CSMD2: variants seen among roughly 807,000 people sequenced by gnomAD.
CSMD2 encodes the protein CUB and sushi domain-containing protein 2.
A neutral mutation model predicts 398.5 loss-of-function variants in CSMD2; 130 were observed. The observed-to-expected ratio is 0.33, with a 90% CI of 0.28 to 0.38. The LOEUF (loss-of-function observed/expected upper bound fraction) is 0.38. CSMD2 is among the 10% of genes least tolerant of loss of function. CSMD2 has a pLI of 1.00. For missense variants in CSMD2, 3,829 were observed against 4,764.9 expected, an observed-to-expected ratio of 0.80 and a Z score of 5.78; for synonymous variants, 1,828 against 1,908.5, an observed-to-expected ratio of 0.96 and a Z score of 1.10.
intron 3 of CSMD2, among the ~76,000 whole-genome samples, chr1:33,949,256 T>C (rs1046604949): frequency 6.6e-6 from 1 of 152,188 alleles, no homozygotes; most frequent in Non-Finnish European, 1.5e-5. Flanking sequence ...TGATTACATA[T>C]AAGCCCCTGG....
chr1:33,527,161 C>T (rs754189365), intron 65 of CSMD2, 35 bp downstream of exon 65: 9 of 1,589,916 alleles, frequency 5.7e-6, no homozygotes, highest in Non-Finnish European at 7.8e-6. Context: ...AAAGTAACAC[C>T]AGTTTCTTGA....
In CSMD2 at chr1:33,549,536, T is replaced by C. The variant is rs557507323; in HGVS notation, c.8917+641A>G. Reference sequence around the variant, plus strand: ...GTTTGGATACTGTGGACATAGGACCTTTGGCAGTTCTCTACATTTGCGATT... The same window carrying C: ...GTTTGGATACTGTGGACATAGGACCCTTGGCAGTTCTCTACATTTGCGATT... On this transcript the variant is annotated intron_variant, in intron 56 of 70. Transcript: ENST00000373381. Among the ~76,000 whole-genome samples, 19 of 152,380 alleles carry C rather than the reference T, an allele frequency of 1.2e-4. No homozygotes were observed. The South Asian group carries it at 3.7e-3, about 30-fold the overall frequency.
In CSMD2 at chr1:34,107,449, A is replaced by G. The variant is rs970882710; in HGVS notation, c.188-18256T>C. Among the ~76,000 whole-genome samples the G allele has an allele frequency of 2.0e-5, 3 of 152,136 alleles. No individual in the cohort carries two copies. In the East Asian group the frequency reaches 5.8e-4, roughly 29 times the overall value. On this transcript the variant is annotated intron_variant, in intron 1 of 70. Transcript: ENST00000373381. ...AATAATTCATTCCATCCTCACAACC[A>G]TATGAGATAGGTACTATTACTCTCC...
chr1:33,723,117 C>T (rs1339052926), intron 19 of CSMD2, among the ~76,000 whole-genome samples: 1 of 152,192 alleles, frequency 6.6e-6, no homozygotes, highest in East Asian at 1.9e-4. Context: ...TTTGTATGTC[C>T]ACTCTTGTAC....
intron 2 of CSMD2, among the ~76,000 whole-genome samples, chr1:34,071,635 T>C (rs964663955): frequency 7.2e-5 from 11 of 152,172 alleles, no homozygotes; most frequent in African/African-American, 2.7e-4. Context: ...TCCATCTAGA[T>C]GCAAGGGGGC....
intron 22 of CSMD2, among the ~76,000 whole-genome samples, chr1:33,708,286 T>C (rs940000693): frequency 2.0e-5 from 3 of 152,180 alleles, no homozygotes; most frequent in African/African-American, 7.2e-5. Flanking sequence ...ATCATCGTAG[T>C]ACACTGAAGC....
chr1:34,041,839 C>T lies in CSMD2; in HGVS notation c.405-9133G>A, dbSNP rs920501756. Among the ~76,000 whole-genome samples, 12 of 152,226 alleles carry T rather than the reference C, an allele frequency of 7.9e-5. No homozygotes were observed. The South Asian group carries it at 8.3e-4, about 10-fold the overall frequency. ...ACAGGACAGAGGCTCCAGAGAGACA[C>T]ACTTGGGCTCCACGCAGAGAAGAAC... On this transcript the variant is annotated intron_variant, in intron 2 of 70. Transcript: ENST00000373381.
chr1:33,739,675 G>A (rs1381084709), intron 14 of CSMD2, among the ~76,000 whole-genome samples: 2 of 152,176 alleles, frequency 1.3e-5, no homozygotes, highest in African/African-American at 4.8e-5. Context: ...AGGAAACTGA[G>A]GCTCAGTGTG....
At chr1:33,736,353 C>T (rs577387861) in intron 15 of CSMD2, among the ~76,000 whole-genome samples, 5 of 151,808 alleles carry the variant, frequency 3.3e-5, no homozygotes, top group Non-Finnish European at 7.4e-5. Context: ...TGGTGGTGGG[C>T]GCCTGTAGTC....
chr1:34,145,823 TG>T (rs1007548378), intron 1 of CSMD2, among the ~76,000 whole-genome samples: 21 of 152,192 alleles, frequency 1.4e-4, no homozygotes, highest in African/African-American at 4.8e-4. Context: ...ACCAGACGCC[TG>T]TTCTACCTGA....
intron 9 of CSMD2, among the ~76,000 whole-genome samples, chr1:33,811,149 T>G (rs57931603): frequency 0.01 from 1,584 of 152,196 alleles, 28 homozygotes; most frequent in African/African-American, 0.036. Flanking sequence ...TCCACTATGA[T>G]CATGCAATTC....
At chr1:33,823,204 C>T (rs1336937731) in intron 7 of CSMD2, among the ~76,000 whole-genome samples, 1 of 152,164 alleles carries the variant, frequency 6.6e-6, no homozygotes, top group Admixed American at 6.5e-5. Context: ...AACCCAGGCA[C>T]CATCCAGAAA....
At chr1:33,872,609 TG>T (rs941165311) in intron 5 of CSMD2, among the ~76,000 whole-genome samples, 1 of 152,100 alleles carries the variant, frequency 6.6e-6, no homozygotes, top group Non-Finnish European at 1.5e-5. Context: ...TTTGTGGGTT[TG>T]TTTTTTTGTG....
intron 4 of CSMD2, among the ~76,000 whole-genome samples, chr1:33,928,169 G>A (rs1644191864): frequency 6.6e-6 from 1 of 152,188 alleles, no homozygotes; most frequent in Admixed American, 6.5e-5. Context: ...GGAGGGTGGT[G>A]GTCAAGATCA....
chr1:33,644,597 G>C (rs1643309579), intron 29 of CSMD2, among the ~76,000 whole-genome samples: 1 of 152,148 alleles, frequency 6.6e-6, no homozygotes, highest in Non-Finnish European at 1.5e-5. Context: ...GTTCAACAAA[G>C]GGTACAGTTT....
chr1:33,521,636 G>T lies in CSMD2; in HGVS notation c.10510-86C>A. ...CTCTCATCATACACGCTGCCCAGCAGGTCACCCACTGACCTGCTGCTCTGA... is the reference window on the plus strand; with the variant it reads ...CTCTCATCATACACGCTGCCCAGCATGTCACCCACTGACCTGCTGCTCTGA... On this transcript the variant is annotated intron_variant, in intron 67 of 70. Coordinates refer to ENST00000373381, the MANE Select transcript of CSMD2 (RefSeq NM_001281956.2). The T allele has an allele frequency of 3.4e-6, 3 of 873,498 alleles. No homozygotes were observed. In the East Asian group the frequency reaches 7.3e-5, roughly 21 times the overall value. 54.1% of individuals were successfully genotyped at this position (873,498 alleles called of 1,614,324 possible). A position where few individuals can be genotyped will look rare whatever the true frequency, so the allele number is the denominator to read the frequency against.
At chr1:33,870,540 A>G (rs4653354) in intron 5 of CSMD2, 120,445 of 152,148 alleles carry the variant, frequency 0.79, 47,767 homozygotes, top group South Asian at 0.89. Flanking sequence ...TGCATTTCCA[A>G]TGCTTTCTCT....
intron 6 of CSMD2, among the ~76,000 whole-genome samples, chr1:33,845,790 C>T (rs1009924427): frequency 6.6e-6 from 1 of 152,236 alleles, no homozygotes; most frequent in Non-Finnish European, 1.5e-5. Context: ...GAACGTAACG[C>T]TTCTTCCTTC....
At chr1:33,525,787 C>A (rs1489028277) in intron 65 of CSMD2, among the ~76,000 whole-genome samples, 1 of 152,130 alleles carries the variant, frequency 6.6e-6, no homozygotes, top group African/African-American at 2.4e-5. Context: ...CAGGTTCAAG[C>A]AATTCTCCTG....
Sources: gnomAD v4.1 joint callset for allele counts (sites outside exome capture counted in the v4.1 genomes callset) on GRCh38, gnomAD v4.1.1 for gene constraint, MANE v1.5 for transcripts, NCBI Gene and HGNC (gene_info 2026-07-23, HGNC 2026-07-21) for gene names.